Variants in SPAG17 observed in about 807,000 individuals in gnomAD.
SPAG17 encodes sperm associated antigen 17.
In SPAG17, 169 loss-of-function variants were observed where a neutral mutation model predicts 273.6. The ratio of observed to expected loss-of-function variants is 0.62; its 90% confidence interval spans 0.55 to 0.70. The LOEUF is 0.70. Ranked by LOEUF, SPAG17 falls within the 30% of genes least tolerant of loss-of-function variation. The probability of loss-of-function intolerance (pLI) is 0.00; values close to 1 mark genes in which losing one functional copy is unlikely to be tolerated. For missense variants in SPAG17, 2,557 were observed against 2,627.8 expected (o/e 0.97, Z 0.59); for synonymous variants, 825 against 873.2 (o/e 0.94, Z 0.97).
At chr1:118,076,640 T>TG (rs1654123356) in intron 15 of SPAG17, 2 of 152,254 alleles carry the variant, frequency 1.3e-5, no homozygotes, top group Admixed American at 6.5e-5. Context: ...GTTTAGAAAA[T>TG]ATGTTCTAAA....
chr1:118,005,623 C>T (rs1462114952), intron 31 of SPAG17, 21 bp from the exon 32 acceptor site: 2 of 1,395,530 alleles, frequency 1.4e-6, no homozygotes, highest in African/African-American at 1.5e-5. Flanking sequence ...AACAGAAAGA[C>T]AGAAATTATT....
chr1:118,038,540 G>A (rs1429295316), intron 23 of SPAG17, among the ~76,000 whole-genome samples: 1 of 152,112 alleles, frequency 6.6e-6, no homozygotes, highest in African/African-American at 2.4e-5. Context: ...CAGTAGGTGG[G>A]TGGGAAAATA....
intron 15 of SPAG17, among the ~76,000 whole-genome samples, chr1:118,075,852 C>A (rs1481920305): frequency 6.6e-6 from 1 of 151,984 alleles, no homozygotes; most frequent in Admixed American, 6.6e-5. Context: ...TTTTTCAGAC[C>A]CTGACTTCAT....
intron 10 of SPAG17, among the ~76,000 whole-genome samples, chr1:118,089,618 C>T (rs1200345730): frequency 2.0e-5 from 3 of 152,128 alleles, no homozygotes; most frequent in African/African-American, 7.2e-5. Context: ...TGACATCAGA[C>T]TTCTTAACAG....
chr1:118,015,689 G>A (rs1246389261), intron 29 of SPAG17, among the ~76,000 whole-genome samples: 1 of 152,082 alleles, frequency 6.6e-6, no homozygotes, highest in African/African-American at 2.4e-5. Context: ...CTCATGAACT[G>A]CCGCTCACCT....
chr1:118,144,783 A>G (rs1658880106), intron 3 of SPAG17, among the ~76,000 whole-genome samples: 1 of 152,208 alleles, frequency 6.6e-6, no homozygotes, highest in South Asian at 2.1e-4. Flanking sequence ...TAATAGCTTC[A>G]AAGAATTTCA....
At chr1:118,015,847 C>T (rs537416951) in intron 29 of SPAG17, 118 bp downstream of exon 29, 9 of 852,044 alleles carry the variant, frequency 1.1e-5, no homozygotes, top group Non-Finnish European at 1.6e-5. Context: ...CCCATCCATC[C>T]ATCCACTACT....
chr1:118,008,189 G>C lies in SPAG17; in HGVS notation c.4442C>G (p.Pro1481Arg). The C allele has an allele frequency of 6.2e-7, 1 of 1,613,730 alleles. No homozygotes were observed. The highest frequency in any genetic ancestry group is 8.5e-7 in the Non-Finnish European group (1 of 1,179,896). Residue 1481 changes from proline (P) to arginine (R), a missense_variant, in exon 31 of 49, where the codon CCT becomes CGT. Physicochemically the swap from Pro to Arg is moderately radical, Grantham distance 103. Transcript: ENST00000336338. Reference sequence around the variant, plus strand: ...CTTCACCTGCCTGGTGACAGTCCGAGGACCCTCGGCTACAAGCAAATGCAA... The same window carrying C: ...CTTCACCTGCCTGGTGACAGTCCGACGACCCTCGGCTACAAGCAAATGCAA... ...LPDDQETTEG[P>R]RTVTRQVKCM...
chr1:118,064,730 G>C (rs963580361), intron 18 of SPAG17, among the ~76,000 whole-genome samples: 2 of 149,416 alleles, frequency 1.3e-5, no homozygotes, highest in African/African-American at 4.9e-5. Context: ...AAAACTTAAA[G>C]TATAATAATA....
Position 117,983,831 on chromosome 1 carries a change from T to A in SPAG17, c.5852A>T (p.Asp1951Val), listed in dbSNP as rs1656102179. The part of the protein sequence containing the change: ...NEDANETAVQ[D>V]TSDLNLDFKP... ...ATTACCTAGATTAAGATCAGATGTATCTTGAACAGCTGTTTCGTTTGCATC... is the reference window on the plus strand; with the variant it reads ...ATTACCTAGATTAAGATCAGATGTAACTTGAACAGCTGTTTCGTTTGCATC... The change falls in exon 42 of 49, where the codon GAT becomes GTT. Residue 1951 changes from aspartate (D) to valine (V), a missense_variant. By Grantham distance (152) the Asp-to-Val change is radical. Transcript: ENST00000336338. 1 of 1,611,622 alleles carries A rather than the reference T, an allele frequency of 6.2e-7. No homozygotes were observed. Among genetic ancestry groups the A allele is most frequent in the Non-Finnish European group, 8.5e-7 (1 of 1,178,342 alleles).
At chr1:118,144,596 C>T (rs1227739380) in intron 3 of SPAG17, among the ~76,000 whole-genome samples, 1 of 152,138 alleles carries the variant, frequency 6.6e-6, no homozygotes, top group Non-Finnish European at 1.5e-5. Context: ...TTGGTTCCAG[C>T]TTTAAAAAAT....
In SPAG17 at chr1:117,988,219, G is replaced by A. The variant is rs773641166; in HGVS notation, c.5522-15C>T. 11 of 1,566,444 alleles carry A rather than the reference G, an allele frequency of 7.0e-6. No homozygotes were observed. Among genetic ancestry groups the A allele is most frequent in the African/African-American group, 1.4e-5 (1 of 73,096 alleles). Reference sequence around the variant, plus strand: ...GTGAGCTGCAACTTTAAACATAGATGTATTTAACTTTTATCCCCACTTCTT... The same window carrying A: ...GTGAGCTGCAACTTTAAACATAGATATATTTAACTTTTATCCCCACTTCTT... On this transcript the variant is annotated splice_polypyrimidine_tract_variant and intron_variant, in intron 38 of 48. Transcript: ENST00000336338.
chr1:118,038,451 C>T (rs972117051), intron 23 of SPAG17, among the ~76,000 whole-genome samples: 5 of 152,118 alleles, frequency 3.3e-5, no homozygotes, highest in Admixed American at 3.3e-4. Context: ...AACTTATGTC[C>T]ACACACAAAC....
rs78598614 is a variant in SPAG17 at position 118,091,560 on chromosome 1, T to C, written c.1359+46A>G. On this transcript the variant is annotated intron_variant, in intron 10 of 48. Coordinates refer to ENST00000336338, the MANE Select transcript of SPAG17 (RefSeq NM_206996.4). Reference sequence around the variant, plus strand: ...TAAAAATAACAGAAGCCAGGAAAGATGAAACGACTTACTCAAGTATACAAC... The same window carrying C: ...TAAAAATAACAGAAGCCAGGAAAGACGAAACGACTTACTCAAGTATACAAC... 1,035 of 1,043,926 alleles carry C rather than the reference T, an allele frequency of 9.9e-4. 10 individuals are homozygous for C. The African/African-American group carries it at 0.015, about 15-fold the overall frequency. The allele number at this position is 1,043,926 out of a possible 1,614,324, so 64.7% of individuals were successfully genotyped here.
chr1:117,968,180 G>A (rs1409157896), intron 46 of SPAG17, among the ~76,000 whole-genome samples: 1 of 152,050 alleles, frequency 6.6e-6, no homozygotes. Context: ...ATTTACATAT[G>A]GGGAAGTCTA....
At chr1:117,982,208 G>A (rs180813314) in intron 42 of SPAG17, among the ~76,000 whole-genome samples, 22 of 150,756 alleles carry the variant, frequency 1.5e-4, no homozygotes, top group Admixed American at 9.3e-4. Context: ...TTCAAGTATC[G>A]TATGGTACAG....
chr1:118,066,763 T>C lies in SPAG17; in HGVS notation c.2522A>G (p.His841Arg). ...TTGTTACCTGAATCCAACATTGGAG[T>C]GGAGAGCAATGTTCCAATATTCACA... The part of the protein sequence containing the change: ...LHCEYWNIAL[H>R]SNVGFRNYLE... The change falls in exon 18 of 49, where the codon CAC becomes CGC. Residue 841 changes from histidine (H) to arginine (R), a missense_variant. Physicochemically the swap from His to Arg is conservative, Grantham distance 29 (BLOSUM62 0). Coordinates refer to ENST00000336338, the MANE Select transcript of SPAG17 (RefSeq NM_206996.4). 1 of 1,609,970 alleles carries C rather than the reference T, an allele frequency of 6.2e-7. No individual in the cohort carries two copies.
intron 25 of SPAG17, among the ~76,000 whole-genome samples, chr1:118,029,968 A>C (rs1571285624): frequency 6.6e-6 from 1 of 152,226 alleles, no homozygotes; most frequent in East Asian, 1.9e-4. Flanking sequence ...AACTGCTCAA[A>C]GATGCAAACC....
chr1:118,148,937 C>A lies in SPAG17; in HGVS notation c.315+1606G>T, dbSNP rs549219769. Among the ~76,000 whole-genome samples, 24 of 152,300 alleles carry A rather than the reference C, an allele frequency of 1.6e-4. 1 individual carries two copies. In the South Asian group the frequency reaches 5.0e-3, roughly 32 times the overall value. ...GGACTGAGATGGGAAATATTCCCCT[C>A]TTCTCCAGATGTGCAACCTGTCCTT... On this transcript the variant is annotated intron_variant, in intron 3 of 48. Transcript: ENST00000336338.
Sources: allele counts gnomAD v4.1 joint callset (sites outside exome capture counted in the v4.1 genomes callset), GRCh38; gene constraint gnomAD v4.1.1; transcripts MANE v1.5; gene names NCBI Gene and HGNC (gene_info 2026-07-23, HGNC 2026-07-21).